AGAP1: variants seen among roughly 807,000 people sequenced by gnomAD.
AGAP1 encodes arf-GAP with GTPase, ANK repeat and PH domain-containing protein 1.
In AGAP1, 29 loss-of-function variants were observed where a neutral mutation model predicts 105.3. That is an observed-to-expected ratio of 0.28 (90% CI 0.21 to 0.38). AGAP1 has a LOEUF of 0.38. Among genes scored for constraint, AGAP1 ranks in the 10% least tolerant of loss-of-function variants. The pLI is 1.00. For synonymous variants in AGAP1, 509 were observed against 485.9 expected, an observed-to-expected ratio of 1.05 and a Z score of -0.63; for missense variants, 998 against 1,165.1, an observed-to-expected ratio of 0.86 and a Z score of 2.09.
At chr2:235,669,813 A>G (rs1055883195) in intron 1 of AGAP1, 12 of 147,612 alleles carry the variant, frequency 8.1e-5, no homozygotes, top group African/African-American at 2.4e-4. Flanking sequence ...GGCCCTGCGC[A>G]CCGCGGCCGC....
At chr2:235,757,246 C>T (rs1019141088) in intron 6 of AGAP1, among the ~76,000 whole-genome samples, 2 of 152,206 alleles carry the variant, frequency 1.3e-5, no homozygotes, top group Non-Finnish European at 2.9e-5. Context: ...AGACTTCTGT[C>T]CTAGAACAGA....
At chr2:235,880,548 T>C (rs2049966690) in intron 9 of AGAP1, among the ~76,000 whole-genome samples, 1 of 148,756 alleles carries the variant, frequency 6.7e-6, no homozygotes, top group African/African-American at 2.5e-5. Context: ...CTGGCTAACA[T>C]GGTGAAACCC....
At chr2:235,805,201 T>C (rs139002451) in intron 8 of AGAP1, among the ~76,000 whole-genome samples, 280 of 152,328 alleles carry the variant, frequency 1.8e-3, no homozygotes, top group African/African-American at 6.3e-3. Context: ...CAGGAAATTT[T>C]TGTTTTATTT....
At chr2:235,672,764 G>C (rs570309200) in intron 1 of AGAP1, among the ~76,000 whole-genome samples, 1 of 152,350 alleles carries the variant, frequency 6.6e-6, no homozygotes, top group South Asian at 2.1e-4. Context: ...ACATGATTTA[G>C]AGAGAATGCA....
intron 11 of AGAP1, among the ~76,000 whole-genome samples, chr2:235,910,282 T>G: frequency 6.6e-6 from 1 of 152,298 alleles, no homozygotes; most frequent in Non-Finnish European, 1.5e-5. Flanking sequence ...GGCCTGCCTG[T>G]GTTGCAGGGG....
rs989192815 is a variant in AGAP1 at position 235,599,293 on chromosome 2, TG to T, written c.163+104451del. On this transcript the variant is annotated intron_variant, in intron 1 of 17. Transcript: ENST00000304032. This position sits in a 1 kb window ranked among gnomAD's most constrained non-coding sequence, Gnocchi z 5.3. ...GCTGCAGTACGTTTACACTGTGTGT[TG>T]GGGGGGTGGCAGTGTGCTTTCTTCC... Among the ~76,000 whole-genome samples, 1 of 151,966 alleles carries T rather than the reference TG, an allele frequency of 6.6e-6. No individual in the cohort carries two copies. The highest frequency in any genetic ancestry group is 1.5e-5 in the Non-Finnish European group (1 of 67,992).
intron 9 of AGAP1, among the ~76,000 whole-genome samples, chr2:235,881,115 C>G (rs182736822): frequency 6.6e-6 from 1 of 152,164 alleles, no homozygotes; most frequent in Admixed American, 6.5e-5. Flanking sequence ...CCTTAAGCAA[C>G]AATGTCTAAT....
At chr2:235,525,816 C>G (rs1464682646) in intron 1 of AGAP1, among the ~76,000 whole-genome samples, 1 of 51,176 alleles carries the variant, frequency 2.0e-5, no homozygotes, top group Non-Finnish European at 3.8e-5. Flanking sequence ...AGAGGACTGA[C>G]ACATAATGTG....
chr2:236,121,717 A>T lies in AGAP1; in HGVS notation c.2370+1270A>T, dbSNP rs769572062. Among the ~76,000 whole-genome samples, 2 of 152,206 alleles carry T rather than the reference A, an allele frequency of 1.3e-5. No individual in the cohort carries two copies. Among genetic ancestry groups the T allele is most frequent in the South Asian group, 4.1e-4 (2 of 4,824 alleles). On this transcript the variant is annotated intron_variant, in intron 17 of 17. Transcript: ENST00000304032. This position sits in a 1 kb window ranked among gnomAD's most constrained non-coding sequence, Gnocchi z 4.9. Reference sequence around the variant, plus strand: ...CATACATGTGATGTAATGCACATTAAATAAGAGTTGTGTGTAGTGTGCTAG... The same window carrying T: ...CATACATGTGATGTAATGCACATTATATAAGAGTTGTGTGTAGTGTGCTAG...
intron 1 of AGAP1, among the ~76,000 whole-genome samples, chr2:235,573,054 C>CT (rs753415836): frequency 0.048 from 1,046 of 21,726 alleles, 56 homozygotes; most frequent in African/African-American, 0.18. Flanking sequence ...TCTTCTTCTT[C>CT]TTCTTCTTTC....
In AGAP1 at chr2:235,600,773, G is replaced by A. The variant is rs1945703042; in HGVS notation, c.163+105924G>A. ...AATGATGCCCACCCAGATTGAGGGTGGGTCTGCCTTCCCCAGCCCGTTGAC... is the reference window on the plus strand; with the variant it reads ...AATGATGCCCACCCAGATTGAGGGTAGGTCTGCCTTCCCCAGCCCGTTGAC... On this transcript the variant is annotated intron_variant, in intron 1 of 17. Transcript: ENST00000304032. This position sits in a 1 kb window ranked among gnomAD's most constrained non-coding sequence, Gnocchi z 4.8. Among the ~76,000 whole-genome samples the A allele has an allele frequency of 6.6e-6, 1 of 152,140 alleles. No individual in the cohort carries two copies. The highest frequency in any genetic ancestry group is 6.5e-5 in the Admixed American group (1 of 15,284).
intron 6 of AGAP1, among the ~76,000 whole-genome samples, chr2:235,763,610 T>C (rs1043673932): frequency 6.6e-6 from 1 of 152,230 alleles, no homozygotes; most frequent in Non-Finnish European, 1.5e-5. Flanking sequence ...GTTAAGGCTT[T>C]GAATCCTTGG....
intron 1 of AGAP1, among the ~76,000 whole-genome samples, chr2:235,534,631 A>G (rs1943151130): frequency 6.6e-6 from 1 of 152,152 alleles, no homozygotes; most frequent in Non-Finnish European, 1.5e-5. Context: ...TATAAATTAT[A>G]TTACTCAGTC....
chr2:235,988,638 C>T lies in AGAP1; in HGVS notation c.1645+20015C>T, dbSNP rs1385338175. On this transcript the variant is annotated intron_variant, in intron 13 of 17. Coordinates refer to ENST00000304032, the MANE Select transcript of AGAP1 (RefSeq NM_001037131.3). The surrounding 1 kb of genome is among the most constrained non-coding windows in gnomAD (Gnocchi z 4.7). ...TGTCTCTGAAACACTTGCATTTTTC[C>T]TGTAACTTTCCAGTAATGAGGGGGC... 6.6e-6 allele frequency among the ~76,000 whole-genome samples: 1 copy of T among 152,092 alleles called. No individual in the cohort carries two copies. The highest frequency in any genetic ancestry group is 1.5e-5 in the Non-Finnish European group (1 of 68,028).
chr2:236,012,764 A>AATTATT lies in AGAP1; in HGVS notation c.1646-23775_1646-23770dup, dbSNP rs35595393. Among the ~76,000 whole-genome samples, 4,081 of 148,748 alleles carry AATTATT rather than the reference A, an allele frequency of 0.027. 130 individuals are homozygous for AATTATT. Among genetic ancestry groups the AATTATT allele is most frequent in the African/African-American group, 0.078 (3,141 of 40,452 alleles). ...CTAGTTTAGAGGTTGTTTCTTACTA[A>AATTATT]ATTATTATTATTATTATTATTATTA... On this transcript the variant is annotated intron_variant, in intron 13 of 17. Transcript: ENST00000304032. The surrounding 1 kb of genome is among the most constrained non-coding windows in gnomAD (Gnocchi z 4.9).
At chr2:235,898,391 C>A (rs1199812990) in intron 10 of AGAP1, among the ~76,000 whole-genome samples, 1 of 151,354 alleles carries the variant, frequency 6.6e-6, no homozygotes, top group African/African-American at 2.4e-5. Context: ...ATATACATGC[C>A]TCCCCCATTT....
At chr2:235,702,076 C>G (rs1306406575) in intron 1 of AGAP1, among the ~76,000 whole-genome samples, 1 of 151,784 alleles carries the variant, frequency 6.6e-6, no homozygotes, top group Non-Finnish European at 1.5e-5. Context: ...TTTTTTTAGC[C>G]TTGTGTATAA....
intron 10 of AGAP1, among the ~76,000 whole-genome samples, chr2:235,896,322 A>G (rs1373518393): frequency 6.6e-6 from 1 of 152,206 alleles, no homozygotes; most frequent in African/African-American, 2.4e-5. Flanking sequence ...TCATATGTAC[A>G]CACCACATTT....
rs73996509 is a variant in AGAP1, at chr2:236,055,194, G to A, written c.2114+5913G>A. On this transcript the variant is annotated intron_variant, in intron 16 of 17. Transcript: ENST00000304032. The surrounding 1 kb of genome is among the most constrained non-coding windows in gnomAD (Gnocchi z 6.2). ...GATGCAGAGGGTTCAGGGAGCTGGG[G>A]GCTCGTTTGGAGTTTTAATCAGCCT... Among the ~76,000 whole-genome samples, 1,194 of 152,230 alleles carry A rather than the reference G, an allele frequency of 7.8e-3. 9 individuals are homozygous for A. The highest frequency in any genetic ancestry group is 0.027 in the African/African-American group (1,141 of 41,536).
Sources: gnomAD v4.1 joint callset for allele counts (sites outside exome capture counted in the v4.1 genomes callset) on GRCh38, gnomAD v4.1.1 for gene constraint, Gnocchi (gnomAD v3.1) non-coding constraint, MANE v1.5 for transcripts, NCBI Gene and HGNC (gene_info 2026-07-23, HGNC 2026-07-21) for gene names.